Variants in FRY observed in about 807,000 individuals in gnomAD.
FRY encodes the protein protein furry homolog.
Under a neutral mutation model 348.4 loss-of-function variants are expected in FRY, and 128 were observed. The ratio of observed to expected loss-of-function variants is 0.37; its 90% CI spans 0.32 to 0.43. The LOEUF is 0.43. Ranked by LOEUF, FRY falls within the 20% of genes least tolerant of loss-of-function variation. The probability of loss-of-function intolerance (pLI) is 1.00; values close to 1 mark genes in which losing one functional copy is unlikely to be tolerated. For missense variants in FRY, 2,736 were observed against 3,695.2 expected, an observed-to-expected ratio of 0.74 and a Z score of 6.73; for synonymous variants, 1,370 against 1,374.7, an observed-to-expected ratio of 1.00 and a Z score of 0.08.
intron 2 of FRY, among the ~76,000 whole-genome samples, chr13:32,098,936 T>G (rs1025837921): frequency 5.3e-5 from 8 of 152,158 alleles, no homozygotes; most frequent in African/African-American, 1.9e-4. Context: ...AGTAGTTGAT[T>G]TGTAAGGCTC....
Position 32,296,817 on chromosome 13 carries a change from T to C in FRY, c.*1357T>C, listed in dbSNP as rs1356349596. 2 of 152,202 alleles carry C rather than the reference T, an allele frequency of 1.3e-5. No homozygotes were observed. Among genetic ancestry groups the C allele is most frequent in the Non-Finnish European group, 2.9e-5 (2 of 68,036 alleles). The allele number at this position is 152,202 out of a possible 1,614,324, so 9.4% of individuals were successfully genotyped here. ...CCTGTGAAGCTGGAGGTAAGTATTATCTCTTTGGAAGTTGGCATCAAAACT... is the reference window on the plus strand; with the variant it reads ...CCTGTGAAGCTGGAGGTAAGTATTACCTCTTTGGAAGTTGGCATCAAAACT... On this transcript the variant is annotated 3_prime_UTR_variant, in exon 61 of 61. Transcript: ENST00000542859.
intron 3 of FRY, among the ~76,000 whole-genome samples, chr13:32,111,418 C>G (rs780168788): frequency 1.3e-5 from 2 of 152,016 alleles, no homozygotes; most frequent in Non-Finnish European, 2.9e-5. Context: ...ATCACTTGAA[C>G]CTGGGAGGCA....
intron 2 of FRY, among the ~76,000 whole-genome samples, chr13:32,082,559 C>T (rs1324617266): frequency 2.0e-5 from 3 of 152,094 alleles, no homozygotes; most frequent in Non-Finnish European, 4.4e-5. Flanking sequence ...GATACAATTC[C>T]TTCTTGCATC....
chr13:32,209,536 T>C, intron 32 of FRY, 49 bp from the exon 33 acceptor site: 1 of 1,594,994 alleles, frequency 6.3e-7, no homozygotes, highest in East Asian at 2.2e-5. Context: ...ACCTTTTGCG[T>C]CCTTACAGTT....
At chr13:32,098,686 G>A (rs1167808531) in intron 2 of FRY, among the ~76,000 whole-genome samples, 1 of 151,966 alleles carries the variant, frequency 6.6e-6, no homozygotes, top group African/African-American at 2.4e-5. Flanking sequence ...TCCCCTCTCA[G>A]ACTCGACTCT....
Position 32,157,356 on chromosome 13 carries a change from A to T in FRY, c.1735A>T (p.Met579Leu). The change falls in exon 16 of 61, where the codon ATG becomes TTG. Residue 579 changes from methionine to leucine, a missense_variant. Met to Leu is a conservative substitution (Grantham distance 15). Coordinates refer to ENST00000542859, the MANE Select transcript of FRY (RefSeq NM_023037.3). ...TGATAAAGAAGTAGGAAGGTGTATG[A>T]TGCTGACTAATGTACAGATGTTAAA... ...HLDKEVGRCM[M>L]LTNVQMLNKE... The T allele has an allele frequency of 6.2e-7, 1 of 1,613,356 alleles. No homozygotes were observed. Among genetic ancestry groups the T allele is most frequent in the Non-Finnish European group, 8.5e-7 (1 of 1,179,376 alleles).
intron 35 of FRY, 37 bp from the exon 36 acceptor site, chr13:32,218,712 T>G: frequency 7.5e-5 from 82 of 1,087,094 alleles, no homozygotes; most frequent in Non-Finnish European, 1.0e-4. Context: ...TATGCACACA[T>G]GTTAATATTT....
At chr13:32,268,683 G>T (rs1043900658) in intron 55 of FRY, among the ~76,000 whole-genome samples, 7 of 149,598 alleles carry the variant, frequency 4.7e-5, no homozygotes, top group Admixed American at 6.7e-5. Flanking sequence ...CTATTTTTTG[G>T]GGGGGTGGGG....
rs745424747 is a variant in FRY, at chr13:32,294,531, A to G, written c.8744A>G (p.Asn2915Ser). Reference sequence around the variant, plus strand: ...TCCATGCTGGAGTGCCTGAAGAACAACGAACTCGGCAAAGCTTTGCGGCAG... The same window carrying G: ...TCCATGCTGGAGTGCCTGAAGAACAGCGAACTCGGCAAAGCTTTGCGGCAG... Reference protein sequence around the residue: ...IQSMLECLKNNELGKALRQIR... With the variant: ...IQSMLECLKNSELGKALRQIR... The change falls in exon 60 of 61, where the codon AAC becomes AGC. Residue 2915 changes from asparagine (N) to serine (S), a missense_variant. By Grantham distance (46) the Asn-to-Ser change is conservative (BLOSUM62 1). Around this residue, in one of 9 missense-constraint regions of FRY, gnomAD observed 157 missense variants for 215.2 expected, o/e 0.73. Transcript: ENST00000542859. 4 of 1,614,148 alleles carry G rather than the reference A, an allele frequency of 2.5e-6. No individual in the cohort carries two copies. The highest frequency in any genetic ancestry group is 1.3e-5 in the African/African-American group (1 of 75,042).
rs180853463 is a variant in FRY, at chr13:32,294,689, A to C, written c.8783+119A>C. 95 of 779,038 alleles carry C rather than the reference A, an allele frequency of 1.2e-4. No homozygotes were observed. In the African/African-American group the frequency reaches 1.4e-3, roughly 12 times the overall value. The allele number at this position is 779,038 out of a possible 1,614,324, so 48.3% of individuals were successfully genotyped here. ...AGATATTTTACAGATCTCTTCTCAG[A>C]TCTTTACTGCTGCCAAACCAGAAAC... On this transcript the variant is annotated intron_variant, in intron 60 of 60. Coordinates refer to ENST00000542859, the MANE Select transcript of FRY (RefSeq NM_023037.3).
In FRY at chr13:32,274,884, A is replaced by G. The variant is rs1162134700; in HGVS notation, c.8179A>G (p.Ser2727Gly). Residue 2727 changes from serine to glycine, a missense_variant, in exon 56 of 61, where the codon AGT (serine) becomes GGT (glycine). This residue lies in a region of FRY where 789 missense variants were observed against 996.2 expected (regional missense o/e 0.79). Transcript: ENST00000542859. ...RFCFLTCDAA[S>G]YLGDNLRGIG... is the part of the protein sequence containing the mutation. The stretch of plus-strand genomic sequence containing the variant: ...CTGCTTCCTAACCTGTGATGCAGCC[A>G]GTTACCTTGGAGATAACCTCCGGGG... 6.2e-6 allele frequency: 10 copies of G among 1,613,340 alleles called. No individual in the cohort carries two copies. Among genetic ancestry groups the G allele is most frequent in the South Asian group, 1.1e-5 (1 of 91,066 alleles).
chr13:32,062,481 TTACTA>T (rs1012782945), intron 1 of FRY, among the ~76,000 whole-genome samples: 5 of 152,140 alleles, frequency 3.3e-5, no homozygotes, highest in Admixed American at 2.6e-4. Flanking sequence ...GTATTAAACT[TTACTA>T]TAAAGGCATC....
intron 55 of FRY, among the ~76,000 whole-genome samples, chr13:32,272,299 G>A (rs2138584304): frequency 6.6e-6 from 1 of 152,292 alleles, no homozygotes; most frequent in East Asian, 1.9e-4. Context: ...GTAGGGAGGA[G>A]GTAACTGTGA....
At chr13:32,262,242 C>T in intron 52 of FRY, 72 bp from the exon 53 acceptor site, 1 of 1,255,734 alleles carries the variant, frequency 8.0e-7, no homozygotes, top group Non-Finnish European at 1.2e-6. Context: ...TAACCAACAA[C>T]TAGAGAATAA....
At chr13:32,100,495 CT>C (rs1431763648) in intron 2 of FRY, among the ~76,000 whole-genome samples, 15 of 151,112 alleles carry the variant, frequency 9.9e-5, no homozygotes, top group African/African-American at 3.7e-4. Context: ...GCATCAGATT[CT>C]TTTTATAAAA....
At position 32,187,144 on chromosome 13, in the gene FRY, G is replaced by A. The variant is rs191478853; in HGVS notation, c.3481-402G>A. Among the ~76,000 whole-genome samples the A allele has an allele frequency of 2.3e-3, 347 of 151,858 alleles. 4 individuals are homozygous for A. Among genetic ancestry groups the A allele is most frequent in the African/African-American group, 8.1e-3 (334 of 41,424 alleles). Reference sequence around the variant, plus strand: ...ATTTTATACTGTCTCAGTTCAATACGTTAGTCCAATATTTGTCGTAAAAGC... The same window carrying A: ...ATTTTATACTGTCTCAGTTCAATACATTAGTCCAATATTTGTCGTAAAAGC... On this transcript the variant is annotated intron_variant, in intron 27 of 60. Coordinates refer to ENST00000542859, the MANE Select transcript of FRY (RefSeq NM_023037.3).
chr13:32,282,135 T>G (rs888125624), intron 58 of FRY, among the ~76,000 whole-genome samples: 1 of 152,224 alleles, frequency 6.6e-6, no homozygotes, highest in African/African-American at 2.4e-5. Flanking sequence ...AGATATAATT[T>G]TGCTGACTAG....
chr13:32,170,946 C>A, intron 17 of FRY, 66 bp from the exon 18 acceptor site: 1 of 1,163,678 alleles, frequency 8.6e-7, no homozygotes, highest in Non-Finnish European at 1.3e-6. Context: ...ATCTATTAAT[C>A]CTTGTTAGCT....
rs1311693674 is a variant in FRY at position 32,261,835 on chromosome 13, A to G, written c.7617+19A>G. ...AGACCTAGTAAGTAGCGGCTCTCCC[A>G]CTCTAAGAATTGGGAGGCTTATTTT... On this transcript the variant is annotated intron_variant, in intron 52 of 60. Coordinates refer to ENST00000542859, the MANE Select transcript of FRY (RefSeq NM_023037.3). 2.5e-6 allele frequency: 4 copies of G among 1,610,276 alleles called. No individual in the cohort carries two copies. Among genetic ancestry groups the G allele is most frequent in the Non-Finnish European group, 2.5e-6 (3 of 1,176,746 alleles).
Sources: allele counts gnomAD v4.1 joint callset (sites outside exome capture counted in the v4.1 genomes callset), GRCh38; gene constraint gnomAD v4.1.1; regional missense constraint gnomAD v4.1.1; transcripts MANE v1.5; gene names NCBI Gene and HGNC (gene_info 2026-07-23, HGNC 2026-07-21).